PPP1R1C: variants seen among roughly 807,000 people sequenced by gnomAD.
PPP1R1C encodes the protein protein phosphatase 1 regulatory subunit 1C.
A neutral mutation model predicts 17.4 loss-of-function variants in PPP1R1C; 15 were observed. The ratio of observed to expected loss-of-function variants is 0.86; its 90% CI spans 0.58 to 1.33. The LOEUF (loss-of-function observed/expected upper bound fraction) is 1.33. PPP1R1C is among the 40% of genes most tolerant of loss of function. PPP1R1C has a pLI of 0.00. For missense variants in PPP1R1C, 143 were observed against 130.0 expected (o/e 1.10, Z -0.48); for synonymous variants, 35 against 43.1 (o/e 0.81, Z 0.73).
chr2:181,956,957 A>G (rs1291718207), intron 1 of PPP1R1C, among the ~76,000 whole-genome samples: 1 of 152,204 alleles, frequency 6.6e-6, no homozygotes, highest in Admixed American at 6.5e-5. Context: ...CTAAAGCTCA[A>G]ACCATGAGCT....
chr2:181,979,763 T>C (rs1365922948), intron 2 of PPP1R1C, among the ~76,000 whole-genome samples: 1 of 152,262 alleles, frequency 6.6e-6, no homozygotes, highest in African/African-American at 2.4e-5. Flanking sequence ...CCTGTCTCTA[T>C]GTAAAAATCA....
chr2:182,096,643 A>AT (rs1289289046), intron 4 of PPP1R1C, among the ~76,000 whole-genome samples: 4 of 151,522 alleles, frequency 2.6e-5, no homozygotes, highest in African/African-American at 9.7e-5. Context: ...TAGCCTTTAT[A>AT]TTTTCAGTTT....
intron 2 of PPP1R1C, among the ~76,000 whole-genome samples, chr2:181,997,105 T>C (rs1685634479): frequency 6.6e-6 from 1 of 151,824 alleles, no homozygotes; most frequent in Admixed American, 6.6e-5. Flanking sequence ...GGCGGGCGCC[T>C]GTTGTCCCAG....
chr2:182,068,743 T>C (rs1466548605), intron 4 of PPP1R1C, among the ~76,000 whole-genome samples: 2 of 152,170 alleles, frequency 1.3e-5, no homozygotes, highest in African/African-American at 2.4e-5. Context: ...AAAAACAAAA[T>C]GATAGCTGAT....
chr2:181,988,711 G>A (rs974120216), intron 2 of PPP1R1C, among the ~76,000 whole-genome samples: 1 of 152,158 alleles, frequency 6.6e-6, no homozygotes, highest in African/African-American at 2.4e-5. Flanking sequence ...AACATAATAT[G>A]TCTAATAATA....
In PPP1R1C at chr2:182,106,693, G is replaced by A. The variant is rs539248569; in HGVS notation, c.242-10514G>A. 1.4e-4 allele frequency among the ~76,000 whole-genome samples: 21 copies of A among 152,310 alleles called. No homozygotes were observed. The East Asian group carries it at 3.7e-3, about 27-fold the overall frequency. On this transcript the variant is annotated intron_variant, in intron 4 of 4. Transcript: ENST00000682840. ...GCCCTCTGTCTTTGCCATAAGGCAT[G>A]GGGCCTAATTGAGCTGATTAACACA...
chr2:182,028,422 C>T (rs1249304674), intron 2 of PPP1R1C, among the ~76,000 whole-genome samples: 3 of 151,750 alleles, frequency 2.0e-5, no homozygotes, highest in Non-Finnish European at 2.9e-5. Context: ...TCTTTGTTCT[C>T]ATTGGTTTCA....
intron 1 of PPP1R1C, among the ~76,000 whole-genome samples, chr2:181,959,201 G>A (rs1222164518): frequency 2.0e-5 from 3 of 152,172 alleles, no homozygotes; most frequent in African/African-American, 7.2e-5. Context: ...TAAACTGTCA[G>A]TAAATTGAAA....
chr2:182,066,449 C>A (rs1687986247), intron 4 of PPP1R1C, among the ~76,000 whole-genome samples: 2 of 152,186 alleles, frequency 1.3e-5, no homozygotes, highest in South Asian at 2.1e-4. Context: ...CAAAACACAG[C>A]TAAAAGAGAG....
intron 2 of PPP1R1C, among the ~76,000 whole-genome samples, chr2:182,059,048 C>T (rs184541828): frequency 1.2e-3 from 186 of 152,180 alleles, no homozygotes; most frequent in Non-Finnish European, 1.9e-3. Flanking sequence ...CTCAGTTTGT[C>T]CTGTTCCTTT....
chr2:181,962,179 G>C lies in PPP1R1C; in HGVS notation n.111+7545G>C, dbSNP rs993287712. The stretch of plus-strand genomic sequence containing the variant: ...CCAGCTTCCGGTTCTTGGTCTCCAG[G>C]CTCCTCACTCTGTCCAGGTAGGAGG... On this transcript the variant is annotated intron_variant and non_coding_transcript_variant, in intron 1 of 5. Transcript: ENST00000464264. The surrounding 1 kb of genome is among the most constrained non-coding windows in gnomAD (Gnocchi z 6.0). 2.7e-6 allele frequency: 2 copies of C among 741,622 alleles called. No homozygotes were observed. The highest frequency in any genetic ancestry group is 4.9e-6 in the Non-Finnish European group (2 of 405,842). 45.9% of individuals were successfully genotyped at this position (741,622 alleles called of 1,614,324 possible).
At chr2:182,088,164 C>CACTG (rs1411821302) in intron 4 of PPP1R1C, among the ~76,000 whole-genome samples, 4 of 152,094 alleles carry the variant, frequency 2.6e-5, no homozygotes, top group African/African-American at 9.6e-5. Flanking sequence ...TGCAGACAGA[C>CACTG]ACTGCATGGT....
chr2:181,959,997 T>G (rs1010700108), intron 1 of PPP1R1C, among the ~76,000 whole-genome samples: 1 of 152,238 alleles, frequency 6.6e-6, no homozygotes, highest in Non-Finnish European at 1.5e-5. Context: ...TTCAACCATG[T>G]GATTCTTGTG....
chr2:182,119,283 A>T (rs1397119140), downstream of PPP1R1C, among the ~76,000 whole-genome samples: 1 of 151,774 alleles, frequency 6.6e-6, no homozygotes, highest in East Asian at 1.9e-4. Flanking sequence ...TATGTGCCAC[A>T]TTTTCTTAAT....
intron 5 of PPP1R1C, among the ~76,000 whole-genome samples, chr2:182,124,304 GTTTTTTTTT>G (rs1689811605): frequency 1.3e-5 from 1 of 77,648 alleles, no homozygotes; most frequent in African/African-American, 4.4e-5. Flanking sequence ...CTCCAGCTTT[GTTTTTTTTT>G]GTTTTTTTTT....
At chr2:182,128,474 G>A (rs1220110087) in intron 5 of PPP1R1C, among the ~76,000 whole-genome samples, 1 of 152,000 alleles carries the variant, frequency 6.6e-6, no homozygotes, top group Non-Finnish European at 1.5e-5. Flanking sequence ...TTCAAGAACT[G>A]CAGGCAAGTT....
At chr2:182,001,002 C>T (rs1238626354) in intron 2 of PPP1R1C, among the ~76,000 whole-genome samples, 1 of 152,154 alleles carries the variant, frequency 6.6e-6, no homozygotes, top group Non-Finnish European at 1.5e-5. Context: ...TTAAAACTAA[C>T]CTGAGTGTTC....
chr2:181,961,650 C>T lies in PPP1R1C; in HGVS notation n.111+7016C>T. 1.3e-6 allele frequency: 1 copy of T among 751,776 alleles called. No homozygotes were observed. The highest frequency in any genetic ancestry group is 2.5e-5 in the East Asian group (1 of 40,800). The allele number at this position is 751,776 out of a possible 1,614,324, so 46.6% of individuals were successfully genotyped here. A position where few individuals can be genotyped will look rare whatever the true frequency, so the allele number is the denominator to read the frequency against. On this transcript the variant is annotated intron_variant and non_coding_transcript_variant, in intron 1 of 5. Coordinates refer to the PPP1R1C transcript ENST00000464264. The surrounding 1 kb of genome is among the most constrained non-coding windows in gnomAD (Gnocchi z 5.8). ...ACTGCGTAGTGACCACTGTGGTGCT[C>T]TTCTCAATCTGCTGAGACCAGCACT...
chr2:182,027,082 G>A (rs1686639150), intron 2 of PPP1R1C, among the ~76,000 whole-genome samples: 1 of 142,728 alleles, frequency 7.0e-6, no homozygotes, highest in African/African-American at 2.7e-5. Flanking sequence ...CTTTGCTGAA[G>A]TTGCTTATCA....
Sources: allele counts gnomAD v4.1 joint callset (sites outside exome capture counted in the v4.1 genomes callset), GRCh38; gene constraint gnomAD v4.1.1; non-coding constraint Gnocchi (gnomAD v3.1); transcripts MANE v1.5; gene names NCBI Gene and HGNC (gene_info 2026-07-23, HGNC 2026-07-21).